Variants in TSPOAP1 observed in about 807,000 individuals in gnomAD.
TSPOAP1 encodes TSPO associated protein 1.
In TSPOAP1, 87 loss-of-function variants were observed where a neutral mutation model predicts 197.0. The ratio of observed to expected loss-of-function variants is 0.44; its 90% CI spans 0.37 to 0.53. TSPOAP1 has a LOEUF of 0.53. TSPOAP1 is among the 20% of genes least tolerant of loss of function. TSPOAP1 has a pLI of 0.00. For missense variants in TSPOAP1, 2,174 were observed against 2,411.3 expected (o/e 0.90, Z 2.06); for synonymous variants, 913 against 998.9 (o/e 0.91, Z 1.62).
At chr17:58,307,558 G>A (rs907822312) in intron 24 of TSPOAP1, 53 bp downstream of exon 24, 5 of 1,588,332 alleles carry the variant, frequency 3.1e-6, no homozygotes, top group East Asian at 2.3e-5. Flanking sequence ...GGAGGGAGGA[G>A]GGAAGACCCA....
intron 13 of TSPOAP1, 29 bp downstream of exon 13, chr17:58,319,061 C>T (rs1486850228): frequency 1.4e-6 from 2 of 1,477,348 alleles, no homozygotes; most frequent in East Asian, 2.5e-5. Context: ...CTGGGGATTC[C>T]AGGCCAATGC....
rs951258887 is a variant in TSPOAP1 at position 58,304,821 on chromosome 17, G to T, written c.5544+240C>A. ...GTCAGCCACCAGGTGTTGGCAGCTG[G>T]CGAGATGGCCTGAGGGTCAGGGTCA... On this transcript the variant is annotated intron_variant, in intron 30 of 31. Coordinates refer to ENST00000343736, the MANE Select transcript of TSPOAP1 (RefSeq NM_004758.4). This position sits in a 1 kb window ranked among gnomAD's most constrained non-coding sequence, Gnocchi z 4.2. 1.6e-6 allele frequency: 1 copy of T among 632,300 alleles called. No homozygotes were observed. The highest frequency in any genetic ancestry group is 1.8e-5 in the African/African-American group (1 of 56,028). The allele number at this position is 632,300 out of a possible 1,614,324, so 39.2% of individuals were successfully genotyped here.
intron 22 of TSPOAP1, 83 bp from the exon 23 acceptor site, chr17:58,308,024 C>A: frequency 7.4e-7 from 1 of 1,350,922 alleles, no homozygotes; most frequent in Non-Finnish European, 1.0e-6. Context: ...GCCCCATCAG[C>A]GTAAGCAGCA....
Position 58,320,104 on chromosome 17 carries a change from G to C in TSPOAP1, c.1494+5C>G, listed in dbSNP as rs556064517. On this transcript the variant is annotated splice_donor_5th_base_variant and intron_variant, in intron 12 of 31. Transcript: ENST00000343736. ...GGTGTGGGGAAGTGGAGAACGAGGC[G>C]CTACCTGCATGGAATCCAAGGTAGA... The C allele has an allele frequency of 6.2e-7, 1 of 1,614,008 alleles. No homozygotes were observed. The highest frequency in any genetic ancestry group is 1.6e-4 in the Middle Eastern group (1 of 6,084).
rs768578115 is a variant in TSPOAP1 at position 58,311,181 on chromosome 17, A to G, written c.3114T>C (p.Ser1038=). 6 of 1,611,794 alleles carry G rather than the reference A, an allele frequency of 3.7e-6. No homozygotes were observed. The highest frequency in any genetic ancestry group is 1.7e-6 in the Non-Finnish European group (2 of 1,179,638). The change falls in exon 19 of 32, where the codon AGT becomes AGC. Residue 1038 remains serine, a synonymous_variant. Coordinates refer to ENST00000343736, the MANE Select transcript of TSPOAP1 (RefSeq NM_004758.4). ...IMEVASPTAG[S]VLVELSQLQL... ...GCAGCTGGGACAACTCCACCAGTAC[A>G]CTGCCTGCCGTGGGTGAGGCCACCT...
At chr17:58,319,474 A>C (rs1410230745) in intron 12 of TSPOAP1, among the ~76,000 whole-genome samples, 180 bp from the exon 13 acceptor site, 2 of 152,140 alleles carry the variant, frequency 1.3e-5, no homozygotes, top group Non-Finnish European at 2.9e-5. Context: ...CGGAGGGTGA[A>C]GTCCTGGGCT....
At chr17:58,310,780 C>G (rs955895504) in intron 19 of TSPOAP1, 29 bp from the exon 20 acceptor site, 1 of 1,599,044 alleles carries the variant, frequency 6.3e-7, no homozygotes, top group African/African-American at 1.3e-5. Flanking sequence ...AGGAAGGACC[C>G]AAGCCCAGGT....
At position 58,324,823 on chromosome 17, in the gene TSPOAP1, C is replaced by T. The variant is rs1266577099; in HGVS notation, c.930G>A (p.Gly310=). The change falls in exon 5 of 32, where the codon GGG becomes GGA. Residue 310 remains glycine (G), a synonymous_variant. Coordinates refer to ENST00000343736, the MANE Select transcript of TSPOAP1 (RefSeq NM_004758.4). This position sits in a 1 kb window ranked among gnomAD's most constrained non-coding sequence, Gnocchi z 5.8. ...LQARAGAPAP[G]APGEATPQED... Reference sequence around the variant, plus strand: ...CGCCGGCGCTCACCTCTCCCGGGGCCCCGGGAGCAGGCGCCCCTGCTCTGG... The same window carrying T: ...CGCCGGCGCTCACCTCTCCCGGGGCTCCGGGAGCAGGCGCCCCTGCTCTGG... The T allele has an allele frequency of 1.4e-6, 2 of 1,467,470 alleles. No homozygotes were observed. The highest frequency in any genetic ancestry group is 1.8e-6 in the Non-Finnish European group (2 of 1,114,164). The allele number at this position is 1,467,470 out of a possible 1,614,324, so 90.9% of individuals were successfully genotyped here. A position where few individuals can be genotyped will look rare whatever the true frequency, so the allele number is the denominator to read the frequency against.
Position 58,311,737 on chromosome 17 carries a change from G to T in TSPOAP1, c.2930-15C>A, listed in dbSNP as rs745889948. ...ATCAGGTGGGCCTGGGGGCAGGGGG[G>T]CACAAGACCCAGTGATGCAGGACGC... On this transcript the variant is annotated splice_polypyrimidine_tract_variant and intron_variant, in intron 17 of 31. Coordinates refer to ENST00000343736, the MANE Select transcript of TSPOAP1 (RefSeq NM_004758.4). 47 of 1,547,744 alleles carry T rather than the reference G, an allele frequency of 3.0e-5. No homozygotes were observed. In the East Asian group the frequency reaches 9.3e-4, roughly 31 times the overall value.
Position 58,311,006 on chromosome 17 carries a change from C to T in TSPOAP1, c.3289G>A (p.Glu1097Lys), listed in dbSNP as rs1361615508. 6.3e-7 allele frequency: 1 copy of T among 1,599,954 alleles called. No individual in the cohort carries two copies. Among genetic ancestry groups the T allele is most frequent in the Admixed American group, 1.7e-5 (1 of 57,664 alleles). Reference protein sequence around the residue: ...VSCPSPHPSPEARAPLASASP... With the variant: ...VSCPSPHPSPKARAPLASASP... ...GCTGAAGCAAGGGGCGCTCTGGCCT[C>T]TGGGCTTGGGTGCGGTGAGGGGCAG... The change falls in exon 19 of 32, where the codon GAG becomes AAG. Residue 1097 changes from glutamate to lysine, a missense_variant. Physicochemically the swap from Glu to Lys is moderately conservative, Grantham distance 56. Coordinates refer to ENST00000343736, the MANE Select transcript of TSPOAP1 (RefSeq NM_004758.4).
chr17:58,310,229 G>T, intron 20 of TSPOAP1, 71 bp from the exon 21 acceptor site: 1 of 1,470,424 alleles, frequency 6.8e-7, no homozygotes, highest in Non-Finnish European at 9.2e-7. Context: ...GGCAGGGTCA[G>T]CCCCAGCCAC....
rs372852606 is a variant in TSPOAP1 at position 58,311,122 on chromosome 17, C to A, written c.3173G>T (p.Arg1058Leu). Residue 1058 changes from arginine to leucine, a missense_variant, in exon 19 of 32, where the codon CGC becomes CTC. Arg to Leu is a moderately radical substitution (Grantham distance 102). Coordinates refer to ENST00000343736, the MANE Select transcript of TSPOAP1 (RefSeq NM_004758.4). ...LLQVCREVVVRTMSPHGESAD... is the reference protein window; with the variant it reads ...LLQVCREVVVLTMSPHGESAD... ...CGACTCCCCGTGGGGCGACATGGTG[C>A]GCACGACCACCTCACGACACACCTG... 1 of 1,603,478 alleles carries A rather than the reference C, an allele frequency of 6.2e-7. No homozygotes were observed. The highest frequency in any genetic ancestry group is 8.5e-7 in the Non-Finnish European group (1 of 1,175,710).
At chr17:58,319,325 C>A (rs781477368) in intron 12 of TSPOAP1, 31 bp from the exon 13 acceptor site, 3 of 1,543,516 alleles carry the variant, frequency 1.9e-6, no homozygotes, top group Non-Finnish European at 1.8e-6. Flanking sequence ...AGCCGCCAGG[C>A]CCCTCAAAGC....
At position 58,307,725 on chromosome 17, in the gene TSPOAP1, C is replaced by G. The variant is rs141226909; in HGVS notation, c.4869G>C (p.Gln1623His). 936 of 1,614,180 alleles carry G rather than the reference C, an allele frequency of 5.8e-4. 3 individuals carry two copies. In the African/African-American group the frequency reaches 5.9e-3, roughly 10 times the overall value. Residue 1623 changes from glutamine to histidine, a missense_variant, in exon 24 of 32, where the codon CAG becomes CAC. Coordinates refer to ENST00000343736, the MANE Select transcript of TSPOAP1 (RefSeq NM_004758.4). The part of the protein sequence containing the change: ...ARSPSETLAY[Q>H]HLPVRIFVAL... ...CCACAAAGATCCTGACGGGTAGGTG[C>G]TGGTAAGCCAGTGTTTCTGAGGGGC...
At chr17:58,305,796 C>A in intron 27 of TSPOAP1, 37 bp downstream of exon 27, 1 of 1,611,264 alleles carries the variant, frequency 6.2e-7, no homozygotes, top group African/African-American at 1.3e-5. Context: ...ACCCTATCTC[C>A]TTCCCCAGCC....
rs754624722 is a variant in TSPOAP1 at position 58,327,660 on chromosome 17, C to T, written c.261G>A (p.Leu87=). ...GTCCAGAGCTGGATGCTTGCTGGCC[C>T]AGGCTGGGCAGACAAGCCTCTGCTC... ...PEGAEACLPS[L]GQQASSSGPA... Residue 87 remains leucine, a synonymous_variant, in exon 1 of 32, where the codon CTG becomes CTA. Coordinates refer to ENST00000343736, the MANE Select transcript of TSPOAP1 (RefSeq NM_004758.4). 10 of 1,613,702 alleles carry T rather than the reference C, an allele frequency of 6.2e-6. 1 individual carries two copies. The highest frequency in any genetic ancestry group is 1.6e-4 in the Middle Eastern group (1 of 6,062).
intron 24 of TSPOAP1, 87 bp from the exon 25 acceptor site, chr17:58,307,055 T>G: frequency 7.3e-7 from 1 of 1,376,720 alleles, no homozygotes; most frequent in East Asian, 2.3e-5. Context: ...CACTTGGAAA[T>G]GCAGAAGAAT....
chr17:58,307,735 A>G lies in TSPOAP1; in HGVS notation c.4859T>C (p.Leu1620Pro). Reference sequence around the variant, plus strand: ...CCTGACGGGTAGGTGCTGGTAAGCCAGTGTTTCTGAGGGGCTCCTCGCAGG... The same window carrying G: ...CCTGACGGGTAGGTGCTGGTAAGCCGGTGTTTCTGAGGGGCTCCTCGCAGG... The part of the protein sequence containing the change: ...LVPARSPSET[L>P]AYQHLPVRIF... The change falls in exon 24 of 32, where the codon CTG becomes CCG. Residue 1620 changes from leucine to proline, a missense_variant. Transcript: ENST00000343736. 3.1e-6 allele frequency: 5 copies of G among 1,614,162 alleles called. No homozygotes were observed. Among genetic ancestry groups the G allele is most frequent in the Non-Finnish European group, 4.2e-6 (5 of 1,180,034 alleles).
Position 58,310,963 on chromosome 17 carries a change from T to A in TSPOAP1, c.3332A>T (p.Asp1111Val), listed in dbSNP as rs1390697965. 45 of 1,585,312 alleles carry A rather than the reference T, an allele frequency of 2.8e-5. 1 individual carries two copies. The East Asian group carries it at 9.9e-4, about 35-fold the overall frequency. The change falls in exon 19 of 32, where the codon GAC becomes GTC. Residue 1111 changes from aspartate to valine, a missense_variant. This residue lies in a region of TSPOAP1 where 1,933 missense variants were observed against 2,139.0 expected (regional missense o/e 0.90). Coordinates refer to ENST00000343736, the MANE Select transcript of TSPOAP1 (RefSeq NM_004758.4). ...PLASASPGPGDPSSPLQHPAP... is the reference protein window; with the variant it reads ...PLASASPGPGVPSSPLQHPAP... ...AGGGTGCTGGAGAGGAGAGCTGGGG[T>A]CTCCAGGCCCTGGGGAGGCTGAAGC...
Sources: allele counts gnomAD v4.1 joint callset (sites outside exome capture counted in the v4.1 genomes callset), GRCh38; gene constraint gnomAD v4.1.1; regional missense constraint gnomAD v4.1.1; non-coding constraint Gnocchi (gnomAD v3.1); transcripts MANE v1.5; gene names NCBI Gene and HGNC (gene_info 2026-07-23, HGNC 2026-07-21).